Variants in PATJ observed in about 807,000 individuals in gnomAD.
PATJ encodes the protein inaD-like protein.
In PATJ, 190 loss-of-function variants were observed where a neutral mutation model predicts 224.9. The observed-to-expected ratio is 0.84, with a 90% CI of 0.75 to 0.95. PATJ has a LOEUF of 0.95. PATJ is among the 40% of genes least tolerant of loss of function. The pLI is 0.00. For missense variants in PATJ, 2,121 were observed against 2,270.3 expected, an observed-to-expected ratio of 0.93 and a Z score of 1.34; for synonymous variants, 769 against 820.3, an observed-to-expected ratio of 0.94 and a Z score of 1.07.
rs372610042 is a variant in PATJ, at chr1:61,927,804, TGAA to T, written c.3654_3656del (p.Glu1218del). On this transcript the variant is annotated inframe_deletion, in exon 27 of 44. Transcript: ENST00000642238. ...CTCTGACTGATGACAGTGATGAAAA[TGAA>T]GAAGAAGATGCCTTTACCGACCGTG... The T allele has an allele frequency of 7.1e-5, 114 of 1,613,242 alleles. No individual in the cohort carries two copies. The Middle Eastern group carries it at 1.3e-3, about 19-fold the overall frequency.
In PATJ at chr1:61,875,242, G is replaced by T. The variant is rs754370839; in HGVS notation, c.2836-1G>T. ...GCATTTCTATTTTTCTTCCTCTCAAGATGAAAGAAAATTTTGTCATGGAGT... is the reference window on the plus strand; with the variant it reads ...GCATTTCTATTTTTCTTCCTCTCAATATGAAAGAAAATTTTGTCATGGAGT... On this transcript the variant is annotated splice_acceptor_variant, in intron 20 of 43. Transcript: ENST00000642238. LOFTEE classifies it high-confidence loss of function. 1 of 1,579,986 alleles carries T rather than the reference G, an allele frequency of 6.3e-7. No individual in the cohort carries two copies. The highest frequency in any genetic ancestry group is 8.6e-7 in the Non-Finnish European group (1 of 1,156,392).
chr1:62,124,093 T>A (rs1391717331), intron 39 of PATJ, among the ~76,000 whole-genome samples: 1 of 152,058 alleles, frequency 6.6e-6, no homozygotes, highest in Non-Finnish European at 1.5e-5. Context: ...TTCTTTTTCT[T>A]TTTCTTTTTG....
chr1:62,023,043 A>G (rs11586551), intron 29 of PATJ, among the ~76,000 whole-genome samples: 64,579 of 152,002 alleles, frequency 0.42, 13,831 homozygotes, highest in African/African-American at 0.47. Flanking sequence ...TAATCCCAGC[A>G]CTTAGGGAGG....
At position 62,100,167 on chromosome 1, in the gene PATJ, G is replaced by A. The variant is rs116391475; in HGVS notation, c.4378-8270G>A. The stretch of plus-strand genomic sequence containing the variant: ...AAGTAAATCCTCTGGAAACTTCAAT[G>A]GATTTAAAATCCATTTGTGATGGGT... On this transcript the variant is annotated intron_variant, in intron 33 of 43. Transcript: ENST00000642238. Among the ~76,000 whole-genome samples the A allele has an allele frequency of 5.8e-3, 879 of 152,174 alleles. 10 individuals carry two copies. Among genetic ancestry groups the A allele is most frequent in the African/African-American group, 0.02 (835 of 41,510 alleles).
chr1:61,791,546 G>C, intron 9 of PATJ, 99 bp downstream of exon 9: 1 of 739,406 alleles, frequency 1.4e-6, no homozygotes, highest in Non-Finnish European at 2.2e-6. Context: ...TTTAAATCTT[G>C]AACAATAAAA....
At chr1:61,949,194 A>G (rs928834282) in intron 27 of PATJ, among the ~76,000 whole-genome samples, 8 of 152,154 alleles carry the variant, frequency 5.3e-5, no homozygotes, top group Admixed American at 1.3e-4. Context: ...CACGTGTACC[A>G]TAGAACTTAA....
intron 28 of PATJ, among the ~76,000 whole-genome samples, chr1:61,994,831 G>A (rs1298638903): frequency 6.6e-6 from 1 of 152,180 alleles, no homozygotes; most frequent in African/African-American, 2.4e-5. Flanking sequence ...TGGGATTACA[G>A]GGGTGAGCCA....
At chr1:61,894,266 A>AAC (rs1557835199) in intron 22 of PATJ, among the ~76,000 whole-genome samples, 89 of 140,678 alleles carry the variant, frequency 6.3e-4, no homozygotes, top group African/African-American at 2.2e-3. Flanking sequence ...TAAAAAAAAA[A>AAC]AAACACAAAA....
intron 34 of PATJ, among the ~76,000 whole-genome samples, chr1:62,113,033 G>A (rs920701598): frequency 6.6e-6 from 1 of 152,140 alleles, no homozygotes; most frequent in Admixed American, 6.5e-5. Flanking sequence ...GTTAGTATAA[G>A]GATTAAATGA....
At chr1:61,786,008 T>A (rs1648439521) in intron 7 of PATJ, among the ~76,000 whole-genome samples, 1 of 152,108 alleles carries the variant, frequency 6.6e-6, no homozygotes, top group Non-Finnish European at 1.5e-5. Flanking sequence ...ATCTGGAATC[T>A]TGACTTATTT....
intron 11 of PATJ, among the ~76,000 whole-genome samples, chr1:61,799,914 G>A (rs1652118244): frequency 6.6e-6 from 1 of 152,038 alleles, no homozygotes; most frequent in Non-Finnish European, 1.5e-5. Flanking sequence ...CTGTATAGTA[G>A]TCCATGAAAC....
At position 62,125,253 on chromosome 1, in the gene PATJ, A is replaced by C. The variant is rs538262803; in HGVS notation, c.5043+2195A>C. Among the ~76,000 whole-genome samples the C allele has an allele frequency of 3.3e-3, 338 of 101,800 alleles. 10 individuals are homozygous for C. The South Asian group carries it at 0.039, about 12-fold the overall frequency. The allele number at this position is 101,800 out of a possible 152,430, so 66.8% of individuals were successfully genotyped here. A position where few individuals can be genotyped will look rare whatever the true frequency, so the allele number is the denominator to read the frequency against. ...CCCTGTCTCAAAAAAAAAAAAAAAA[A>C]CAAAAAAAAACAAAAAAAAAACGCC... On this transcript the variant is annotated intron_variant, in intron 39 of 43. Coordinates refer to ENST00000642238, the MANE Select transcript of PATJ (RefSeq NM_001350145.3).
At chr1:62,011,524 G>A (rs983948677) in intron 28 of PATJ, among the ~76,000 whole-genome samples, 5 of 152,078 alleles carry the variant, frequency 3.3e-5, no homozygotes, top group African/African-American at 9.7e-5. Flanking sequence ...ACAGTTTATG[G>A]TGCCCCAAAA....
chr1:61,970,250 G>A (rs1261969635), intron 27 of PATJ, among the ~76,000 whole-genome samples: 1 of 150,892 alleles, frequency 6.6e-6, no homozygotes, highest in African/African-American at 2.4e-5. Flanking sequence ...GCAGTATTAG[G>A]TTCAATGAAA....
intron 28 of PATJ, among the ~76,000 whole-genome samples, chr1:61,997,994 ATATAATATATTATATATATTAAT>A (rs1645490549): frequency 9.0e-6 from 1 of 110,666 alleles, no homozygotes; most frequent in African/African-American, 4.0e-5. Flanking sequence ...ATATATGTAT[ATATAATATATTATATATATTAAT>A]TATATATAAT....
chr1:61,803,454 A>G (rs1557673112), intron 12 of PATJ, among the ~76,000 whole-genome samples: 4 of 152,192 alleles, frequency 2.6e-5, no homozygotes, highest in Middle Eastern at 3.2e-3. Context: ...TTCGTCATCA[A>G]TATAACGGTC....
rs374594803 is a variant in PATJ, at chr1:62,136,015, A to ATTTTTTTT, written c.5271+7092_5271+7099dup. The stretch of plus-strand genomic sequence containing the variant: ...GCTTCACACTTCTTCAGACCATTAG[A>ATTTTTTTT]TTTTTTTTTTTTTTTTTTTTTTTTT... On this transcript the variant is annotated intron_variant, in intron 41 of 43. Transcript: ENST00000642238. Among the ~76,000 whole-genome samples the ATTTTTTTT allele has an allele frequency of 4.1e-4, 26 of 63,904 alleles. 1 individual carries two copies. The highest frequency in any genetic ancestry group is 7.1e-4 in the African/African-American group (11 of 15,580). The allele number at this position is 63,904 out of a possible 152,430, so 41.9% of individuals were successfully genotyped here.
chr1:61,845,017 C>G (rs936021231), intron 17 of PATJ, among the ~76,000 whole-genome samples: 1 of 152,112 alleles, frequency 6.6e-6, no homozygotes, highest in Non-Finnish European at 1.5e-5. Context: ...TGAAAATGGA[C>G]TAATACAACA....
At chr1:62,032,839 G>A (rs1034978796) in intron 29 of PATJ, among the ~76,000 whole-genome samples, 1 of 152,114 alleles carries the variant, frequency 6.6e-6, no homozygotes, top group Non-Finnish European at 1.5e-5. Flanking sequence ...GTGTCTGGGG[G>A]GGCCTCAAGA....
Sources: allele counts gnomAD v4.1 joint callset (sites outside exome capture counted in the v4.1 genomes callset), GRCh38; gene constraint gnomAD v4.1.1; transcripts MANE v1.5; gene names NCBI Gene and HGNC (gene_info 2026-07-23, HGNC 2026-07-21).